DMD: variants seen among roughly 807,000 people sequenced by gnomAD.
The protein encoded by DMD is dystrophin.
Under a neutral mutation model 330.1 loss-of-function variants are expected in DMD, and 63 were observed. The observed-to-expected ratio is 0.19, with a 90% CI of 0.16 to 0.24. DMD has a LOEUF of 0.24. DMD is among the 10% of genes least tolerant of loss of function. The probability of loss-of-function intolerance (pLI) is 1.00; values close to 1 mark genes in which losing one functional copy is unlikely to be tolerated. For missense variants in DMD, 3,344 were observed against 2,684.1 expected (o/e 1.25, Z -5.43); for synonymous variants, 1,223 against 959.8 (o/e 1.27, Z -5.07).
intron 26 of DMD, among the ~76,000 whole-genome samples, chrX:32,451,691 T>C (rs1480673162): frequency 9.0e-6 from 1 of 110,899 alleles, no homozygotes; most frequent in Non-Finnish European, 1.9e-5. Context: ...AAAATAGGTC[T>C]GTTAGTATCT....
At chrX:31,636,452 ACCT>A (rs752679463) in intron 54 of DMD, among the ~76,000 whole-genome samples, 4 of 111,753 alleles carry the variant, frequency 3.6e-5, no homozygotes, top group South Asian at 7.4e-4. Context: ...CACAGATAGC[ACCT>A]CCTTTCATAT....
At chrX:32,244,582 G>A (rs1348679349) in intron 43 of DMD, among the ~76,000 whole-genome samples, 1 of 80,740 alleles carries the variant, frequency 1.2e-5, no homozygotes, top group African/African-American at 4.8e-5. Flanking sequence ...CACCAACAGT[G>A]TAAAAGTGTT....
At chrX:31,495,854 G>A (rs758241875) in intron 57 of DMD, among the ~76,000 whole-genome samples, 2 of 111,442 alleles carry the variant, frequency 1.8e-5, no homozygotes, top group East Asian at 2.8e-4. Context: ...AAGAATACAC[G>A]AACACCTGTG....
At chrX:31,625,383 A>G (rs998249975) in intron 55 of DMD, among the ~76,000 whole-genome samples, 3 of 111,671 alleles carry the variant, frequency 2.7e-5, no homozygotes, top group African/African-American at 9.8e-5. Context: ...CTTATTCCCA[A>G]GCTCTCTCTT....
At chrX:32,777,282 G>GGGGGGGGGGGGTGGGGGGGGGT (rs1368782701) in intron 7 of DMD, among the ~76,000 whole-genome samples, 1 of 54,132 alleles carries the variant, frequency 1.8e-5, no homozygotes, top group Non-Finnish European at 3.7e-5. Flanking sequence ...CTGGTTGGGG[G>GGGGGGGGGGGGTGGGGGGGGGT]GGGAATCCTA....
At chrX:32,173,260 C>T (rs1272216285) in intron 44 of DMD, among the ~76,000 whole-genome samples, 1 of 110,509 alleles carries the variant, frequency 9.0e-6, no homozygotes, top group Non-Finnish European at 1.9e-5. Context: ...ATCACACTCA[C>T]ACATGACATA....
At chrX:33,149,531 G>A (rs1261892045) in intron 1 of DMD, among the ~76,000 whole-genome samples, 1 of 112,169 alleles carries the variant, frequency 8.9e-6, no homozygotes, top group Non-Finnish European at 1.9e-5. Context: ...CAGTGAAAGA[G>A]CTGCTGTTCT....
At chrX:31,150,571 G>A (rs1467751992) in intron 74 of DMD, among the ~76,000 whole-genome samples, 1 of 112,253 alleles carries the variant, frequency 8.9e-6, no homozygotes, top group Non-Finnish European at 1.9e-5. Context: ...CATCAGGTGA[G>A]AGAAATTCCT....
intron 7 of DMD, among the ~76,000 whole-genome samples, chrX:32,759,858 GGCGGGGGA>G (rs1343619208): frequency 1.2e-3 from 25 of 21,167 alleles, no homozygotes; most frequent in African/African-American, 6.2e-3. Flanking sequence ...GGGGGGGGGG[GGCGGGGGA>G]AGACCCAGGC....
intron 44 of DMD, among the ~76,000 whole-genome samples, chrX:32,103,858 C>G (rs575768939): frequency 9.0e-6 from 1 of 111,502 alleles, no homozygotes; most frequent in Admixed American, 9.5e-5. Context: ...ACCTTTTTTC[C>G]CCCCAGTGGC....
chrX:32,659,408 C>T (rs183741811), intron 9 of DMD, among the ~76,000 whole-genome samples: 1 of 111,356 alleles, frequency 9.0e-6, no homozygotes, highest in African/African-American at 3.3e-5. Flanking sequence ...CCTGTCTCTA[C>T]TTCTTGGGCA....
chrX:32,475,693 T>C (rs2041162864), intron 21 of DMD, among the ~76,000 whole-genome samples: 1 of 111,279 alleles, frequency 9.0e-6, no homozygotes, highest in Non-Finnish European at 1.9e-5. Context: ...GTTGTTGGTA[T>C]ACAGAAGAGC....
intron 51 of DMD, among the ~76,000 whole-genome samples, chrX:31,765,994 A>G (rs1332327516): frequency 9.0e-6 from 1 of 111,521 alleles, no homozygotes; most frequent in Non-Finnish European, 1.9e-5. Flanking sequence ...AATTTACATC[A>G]TAACACACTG....
intron 55 of DMD, among the ~76,000 whole-genome samples, chrX:31,520,077 G>T (rs2072605809): frequency 8.9e-6 from 1 of 112,481 alleles, no homozygotes; most frequent in Non-Finnish European, 1.9e-5. Context: ...CTGATGTAAA[G>T]GTAGGTAATA....
chrX:32,671,508 T>A (rs1221067394), intron 9 of DMD, among the ~76,000 whole-genome samples: 2 of 111,854 alleles, frequency 1.8e-5, no homozygotes, highest in East Asian at 5.6e-4. Context: ...CTTGGCTATT[T>A]CTGCATATAT....
chrX:31,267,105 GAGAAAGAAAGAAAGAA>G (rs72467955), intron 62 of DMD, among the ~76,000 whole-genome samples: 1 of 105,848 alleles, frequency 9.4e-6, no homozygotes, highest in South Asian at 4.0e-4. Context: ...AAAAAGAAAA[GAGAAAGAAAGAAAGAA>G]AGAAAGAAAG....
intron 43 of DMD, among the ~76,000 whole-genome samples, chrX:32,247,676 C>T (rs1454216118): frequency 1.8e-5 from 2 of 111,376 alleles, no homozygotes; most frequent in Non-Finnish European, 3.8e-5. Context: ...CAGACTGAGA[C>T]CCCCAAACTG....
intron 43 of DMD, among the ~76,000 whole-genome samples, chrX:32,266,957 A>G (rs770580732): frequency 1.4e-4 from 16 of 112,026 alleles, no homozygotes; most frequent in African/African-American, 4.9e-4. Flanking sequence ...CAAAATCCTG[A>G]AAAAATGGGG....
At chrX:31,830,535 G>A (rs922746705) in intron 49 of DMD, among the ~76,000 whole-genome samples, 4 of 111,878 alleles carry the variant, frequency 3.6e-5, no homozygotes, top group East Asian at 2.8e-4. Context: ...TGTAGGTTGC[G>A]GTGAGCCGAG....
Sources: gnomAD v4.1 joint callset for allele counts (sites outside exome capture counted in the v4.1 genomes callset) on GRCh38, gnomAD v4.1.1 for gene constraint, MANE v1.5 for transcripts, NCBI Gene and HGNC (gene_info 2026-07-23, HGNC 2026-07-21) for gene names.